The following STRBP variants were observed in gnomAD, a reference collection of about 807,000 sequenced individuals.
STRBP encodes spermatid perinuclear RNA-binding protein.
In STRBP, 13 loss-of-function variants were observed where a neutral mutation model predicts 80.1. That is an observed-to-expected ratio of 0.16 (90% CI 0.11 to 0.26). STRBP has a LOEUF of 0.26. Ranked by LOEUF, STRBP falls within the 10% of genes least tolerant of loss-of-function variation. The pLI, the probability that STRBP is intolerant of heterozygous loss-of-function variation, is 1.00. For synonymous variants in STRBP, 284 were observed against 291.2 expected, an observed-to-expected ratio of 0.98 and a Z score of 0.25; for missense variants, 485 against 815.2, an observed-to-expected ratio of 0.59 and a Z score of 4.93.
At chr9:123,177,498 A>C (rs2038272552) in intron 4 of STRBP, among the ~76,000 whole-genome samples, 1 of 152,142 alleles carries the variant, frequency 6.6e-6, no homozygotes, top group South Asian at 2.1e-4. Flanking sequence ...ACTTGAGCCC[A>C]GGAGTTCAAG....
chr9:123,179,671 G>A (rs572269179), intron 3 of STRBP, among the ~76,000 whole-genome samples: 2 of 150,416 alleles, frequency 1.3e-5, no homozygotes, highest in East Asian at 2.0e-4. Context: ...AGCTACTGAG[G>A]AGGCAGAGGT....
chr9:123,200,820 A>G (rs1207820606), intron 2 of STRBP, among the ~76,000 whole-genome samples: 3 of 129,522 alleles, frequency 2.3e-5, no homozygotes, highest in Non-Finnish European at 3.1e-5. Flanking sequence ...TGACCTCATG[A>G]GCCGCCCGCC....
At chr9:123,260,483 A>G (rs1226116326) in intron 1 of STRBP, among the ~76,000 whole-genome samples, 1 of 152,250 alleles carries the variant, frequency 6.6e-6, no homozygotes, top group African/African-American at 2.4e-5. Flanking sequence ...TGTTACAGAT[A>G]AGGAACCAGA....
Position 123,179,217 on chromosome 9 carries a change from C to A in STRBP, c.14G>T (p.Arg5Leu). The change falls in exon 4 of 19, where the codon CGA (arginine) becomes CTA (leucine). Residue 5 changes from arginine to leucine, a missense_variant. Arg to Leu is a moderately radical substitution (Grantham distance 102). Transcript: ENST00000348403. Reference sequence around the variant, plus strand: ...ATGGCGATCATCATTAGCAAAAGATCGAATAGATCTCTGTTAGAAGGAGAA... The same window carrying A: ...ATGGCGATCATCATTAGCAAAAGATAGAATAGATCTCTGTTAGAAGGAGAA... MRSIRSFANDDRHVM... is the reference protein window; with the variant it reads MRSILSFANDDRHVM... 1.2e-6 allele frequency: 2 copies of A among 1,605,058 alleles called. No individual in the cohort carries two copies. The highest frequency in any genetic ancestry group is 1.1e-5 in the South Asian group (1 of 90,864).
Position 123,122,941 on chromosome 9 carries a change from TAA to T in STRBP, c.*2654_*2655del, listed in dbSNP as rs1161100078. On this transcript the variant is annotated 3_prime_UTR_variant, in exon 19 of 19. Coordinates refer to ENST00000348403, the MANE Select transcript of STRBP (RefSeq NM_018387.5). ...TGCTAGGTTTCCAAAGGAAAAGTTTTAAAACAGACACCGTGGCTTTGAACAAA... is the reference window on the plus strand; with the variant it reads ...TGCTAGGTTTCCAAAGGAAAAGTTTTAACAGACACCGTGGCTTTGAACAAA... The T allele has an allele frequency of 1.0e-6, 1 of 985,374 alleles. No individual in the cohort carries two copies. Among genetic ancestry groups the T allele is most frequent in the Non-Finnish European group, 1.2e-6 (1 of 829,972 alleles). 61.0% of individuals were successfully genotyped at this position (985,374 alleles called of 1,614,324 possible).
intron 11 of STRBP, among the ~76,000 whole-genome samples, chr9:123,156,715 A>T (rs888612272): frequency 2.0e-5 from 3 of 151,566 alleles, no homozygotes; most frequent in Non-Finnish European, 2.9e-5. Flanking sequence ...TATTATTACT[A>T]TTCAACAGCT....
chr9:123,232,979 T>C (rs113005737), intron 2 of STRBP, among the ~76,000 whole-genome samples: 46 of 152,356 alleles, frequency 3.0e-4, no homozygotes, highest in Non-Finnish European at 6.2e-4. Context: ...TCTCTCTATC[T>C]GCAAGACTAG....
intron 9 of STRBP, 149 bp from the exon 10 acceptor site, chr9:123,158,578 T>G: frequency 1.5e-6 from 1 of 650,390 alleles, no homozygotes; most frequent in Admixed American, 2.9e-5. Flanking sequence ...TTAAGTGGAG[T>G]AAAAAGGACA....
At chr9:123,197,667 CTTTTTTT>C (rs71388358) in intron 2 of STRBP, among the ~76,000 whole-genome samples, 282 of 87,382 alleles carry the variant, frequency 3.2e-3, no homozygotes, top group African/African-American at 0.012. Context: ...AAACATATTT[CTTTTTTT>C]TTTTTTTTTT....
chr9:123,169,144 A>G (rs2037898022), intron 6 of STRBP, among the ~76,000 whole-genome samples: 1 of 152,092 alleles, frequency 6.6e-6, no homozygotes, highest in African/African-American at 2.4e-5. Context: ...AGCTATTAGA[A>G]GTCAAGAGCA....
intron 11 of STRBP, among the ~76,000 whole-genome samples, chr9:123,157,176 AACAG>A (rs1360293262): frequency 1.3e-5 from 2 of 152,206 alleles, no homozygotes; most frequent in Non-Finnish European, 2.9e-5. Context: ...CTCTGAATTC[AACAG>A]ACTAATACAA....
chr9:123,169,870 A>G, intron 6 of STRBP, 32 bp downstream of exon 6: 3 of 1,148,802 alleles, frequency 2.6e-6, no homozygotes, highest in Non-Finnish European at 3.3e-6. Context: ...CAACAAATAT[A>G]TACATATATA....
chr9:123,249,757 G>T (rs2040873586), intron 1 of STRBP, among the ~76,000 whole-genome samples: 1 of 152,182 alleles, frequency 6.6e-6, no homozygotes, highest in Non-Finnish European at 1.5e-5. Flanking sequence ...TTCTGCAAGT[G>T]TGGTTTAGGA....
chr9:123,225,891 G>C (rs2040220274), intron 2 of STRBP, among the ~76,000 whole-genome samples: 1 of 152,160 alleles, frequency 6.6e-6, no homozygotes, highest in South Asian at 2.1e-4. Flanking sequence ...TTGAAAAACA[G>C]TTTGGTGGTT....
At chr9:123,159,281 T>C in intron 8 of STRBP, 74 bp from the exon 9 acceptor site, 1 of 1,069,306 alleles carries the variant, frequency 9.4e-7, no homozygotes, top group East Asian at 2.5e-5. Context: ...TGAGCTAACA[T>C]TTCTATCTAC....
chr9:123,109,598 T>C (rs556273024), exon 4 of STRBP: 2 of 152,292 alleles, frequency 1.3e-5, no homozygotes, highest in African/African-American at 2.4e-5. Flanking sequence ...AGAGGGTCAG[T>C]CTATGGCAGA....
chr9:123,118,558 C>T (rs2035681748), downstream of STRBP, among the ~76,000 whole-genome samples: 1 of 152,228 alleles, frequency 6.6e-6, no homozygotes, highest in African/African-American at 2.4e-5. Context: ...AAAAGTCCTC[C>T]CTCAATGCTG....
At chr9:123,241,281 C>A (rs971814821) in intron 1 of STRBP, among the ~76,000 whole-genome samples, 1 of 151,984 alleles carries the variant, frequency 6.6e-6, no homozygotes, top group Admixed American at 6.6e-5. Flanking sequence ...GCAGCAGAAT[C>A]CCTAGAGTCT....
intron 2 of STRBP, among the ~76,000 whole-genome samples, chr9:123,206,983 AC>A (rs1355481632): frequency 6.6e-6 from 1 of 152,150 alleles, no homozygotes; most frequent in Non-Finnish European, 1.5e-5. Flanking sequence ...AATCTAATCA[AC>A]CAACTTTCCG....
Sources: gnomAD v4.1 joint callset for allele counts (sites outside exome capture counted in the v4.1 genomes callset) on GRCh38, gnomAD v4.1.1 for gene constraint, MANE v1.5 for transcripts, NCBI Gene and HGNC (gene_info 2026-07-23, HGNC 2026-07-21) for gene names.